CDH13: variants seen among roughly 807,000 people sequenced by gnomAD.
The protein encoded by CDH13 is cadherin-13.
A neutral mutation model predicts 63.8 loss-of-function variants in CDH13; 24 were observed. The ratio of observed to expected loss-of-function variants is 0.38; its 90% CI spans 0.27 to 0.53. The LOEUF (loss-of-function observed/expected upper bound fraction) is 0.53, where lower values mean the gene tolerates loss of function less well. Ranked by LOEUF, CDH13 falls within the 20% of genes least tolerant of loss-of-function variation. CDH13 has a pLI of 0.85. For missense variants in CDH13, 1,049 were observed against 903.1 expected (o/e 1.16, Z -2.07); for synonymous variants, 503 against 355.3 (o/e 1.42, Z -4.67).
chr16:83,321,009 G>T (rs1436777760), intron 5 of CDH13, among the ~76,000 whole-genome samples: 1 of 152,204 alleles, frequency 6.6e-6, no homozygotes, highest in Non-Finnish European at 1.5e-5. Context: ...GAGACCATGT[G>T]ATGCTACCAG....
chr16:83,348,098 G>A (rs997428604), intron 6 of CDH13, among the ~76,000 whole-genome samples: 1 of 152,134 alleles, frequency 6.6e-6, no homozygotes, highest in East Asian at 1.9e-4. Flanking sequence ...GCTGAGGCAG[G>A]AGAATTGCTT....
chr16:83,474,393 C>A (rs1010408955), intron 6 of CDH13, among the ~76,000 whole-genome samples: 3 of 152,190 alleles, frequency 2.0e-5, no homozygotes, highest in African/African-American at 7.2e-5. Flanking sequence ...CAGCTTCTAT[C>A]ATTCCAAGGA....
At chr16:83,646,712 A>AAAAAAAAAACACACACAC (rs1168012793) in intron 8 of CDH13, among the ~76,000 whole-genome samples, 1 of 80,490 alleles carries the variant, frequency 1.2e-5, no homozygotes, top group African/African-American at 4.5e-5. Context: ...AAAAAAAAAA[A>AAAAAAAAAACACACACAC]ACACACACAC....
At chr16:83,292,512 A>C (rs2089489339) in intron 5 of CDH13, among the ~76,000 whole-genome samples, 1 of 152,110 alleles carries the variant, frequency 6.6e-6, no homozygotes. Flanking sequence ...CAGCGACAAA[A>C]AGTGTAGAGC....
intron 5 of CDH13, among the ~76,000 whole-genome samples, chr16:83,252,129 C>CACACACACAT (rs377101317): frequency 1.3e-3 from 115 of 89,164 alleles, no homozygotes; most frequent in African/African-American, 5.0e-3. Context: ...CACACACACA[C>CACACACACAT]ATATATATGT....
intron 4 of CDH13, among the ~76,000 whole-genome samples, chr16:83,175,034 C>G (rs1275022610): frequency 2.0e-5 from 3 of 152,038 alleles, no homozygotes; most frequent in African/African-American, 7.2e-5. Context: ...CAGAGCCAAA[C>G]CATATCACCA....
intron 5 of CDH13, among the ~76,000 whole-genome samples, chr16:83,335,391 C>CG (rs2090570946): frequency 1.0e-5 from 1 of 99,712 alleles, no homozygotes; most frequent in South Asian, 3.7e-4. Context: ...TTGTGTGAGT[C>CG]AAACACACAC....
At chr16:83,404,001 G>C (rs937147813) in intron 6 of CDH13, among the ~76,000 whole-genome samples, 1 of 152,178 alleles carries the variant, frequency 6.6e-6, no homozygotes, top group Non-Finnish European at 1.5e-5. Context: ...AGATGATTCA[G>C]AAATGCATTT....
intron 8 of CDH13, among the ~76,000 whole-genome samples, chr16:83,606,816 G>T (rs1251807275): frequency 4.0e-5 from 6 of 150,728 alleles, no homozygotes; most frequent in Non-Finnish European, 8.8e-5. Context: ...TTAGCTTTCT[G>T]CTCCGCCGCC....
chr16:83,344,678 G>C (rs1052452247), intron 5 of CDH13, among the ~76,000 whole-genome samples, 184 bp from the exon 6 acceptor site: 1 of 152,084 alleles, frequency 6.6e-6, no homozygotes, highest in Admixed American at 6.5e-5. Context: ...ACTGATCTTT[G>C]CCTTTTATTC....
chr16:83,340,963 T>C (rs779296440), intron 5 of CDH13, among the ~76,000 whole-genome samples: 20 of 152,112 alleles, frequency 1.3e-4, no homozygotes, highest in Non-Finnish European at 2.5e-4. Flanking sequence ...GAAGGGGTGG[T>C]CTTGAAGTAG....
At chr16:82,740,652 G>C (rs1188710077) in intron 1 of CDH13, among the ~76,000 whole-genome samples, 1 of 152,178 alleles carries the variant, frequency 6.6e-6, no homozygotes, top group Non-Finnish European at 1.5e-5. Flanking sequence ...ATTCTTCTGA[G>C]GACAGCGTGC....
chr16:83,496,837 A>G (rs1433352360), intron 7 of CDH13, among the ~76,000 whole-genome samples: 2 of 152,206 alleles, frequency 1.3e-5, no homozygotes, highest in East Asian at 1.9e-4. Flanking sequence ...AACCCCATCA[A>G]AAAGTGGGCG....
chr16:82,848,495 C>G (rs940682252), intron 1 of CDH13, among the ~76,000 whole-genome samples: 1 of 151,244 alleles, frequency 6.6e-6, no homozygotes, highest in Non-Finnish European at 1.5e-5. Flanking sequence ...CTCCCGGTTT[C>G]TTTCCTTTTT....
intron 8 of CDH13, among the ~76,000 whole-genome samples, chr16:83,661,567 T>C (rs1330834448): frequency 6.6e-6 from 1 of 152,188 alleles, no homozygotes; most frequent in Non-Finnish European, 1.5e-5. Flanking sequence ...CAGTCTTCAG[T>C]GGCCATGTCT....
chr16:83,483,956 G>A (rs1243084606), intron 6 of CDH13, among the ~76,000 whole-genome samples: 1 of 152,192 alleles, frequency 6.6e-6, no homozygotes, highest in African/African-American at 2.4e-5. Flanking sequence ...CATGGGCCAA[G>A]AATGTTCTTT....
chr16:83,044,503 C>G (rs1917602280), intron 3 of CDH13, among the ~76,000 whole-genome samples: 1 of 151,918 alleles, frequency 6.6e-6, no homozygotes, highest in Non-Finnish European at 1.5e-5. Flanking sequence ...CAAAAAGAAC[C>G]TTGTGGAAAC....
chr16:82,927,162 G>A (rs1045400454), intron 2 of CDH13, among the ~76,000 whole-genome samples: 4 of 152,072 alleles, frequency 2.6e-5, no homozygotes, highest in African/African-American at 7.2e-5. Flanking sequence ...GGTAGGTGGT[G>A]CCAAGAGTGA....
At chr16:82,712,396 T>C (rs950765567) in intron 1 of CDH13, among the ~76,000 whole-genome samples, 10 of 152,200 alleles carry the variant, frequency 6.6e-5, no homozygotes, top group African/African-American at 1.7e-4. Context: ...TAGCTACCAT[T>C]CATACTGCCT....
Sources: gnomAD v4.1 joint callset for allele counts (sites outside exome capture counted in the v4.1 genomes callset) on GRCh38, gnomAD v4.1.1 for gene constraint, MANE v1.5 for transcripts, NCBI Gene and HGNC (gene_info 2026-07-23, HGNC 2026-07-21) for gene names.